Variants in RIPK1 observed in about 807,000 individuals in gnomAD.
The protein encoded by RIPK1 is receptor interacting serine/threonine kinase 1, also known as receptor-interacting serine/threonine-protein kinase 1.
In RIPK1, 27 loss-of-function variants were observed where a neutral mutation model predicts 62.4. The ratio of observed to expected loss-of-function variants is 0.43; its 90% confidence interval spans 0.32 to 0.60. The LOEUF (loss-of-function observed/expected upper bound fraction) is 0.60, where lower values mean the gene tolerates loss of function less well. Among genes scored for constraint, RIPK1 ranks in the 20% least tolerant of loss-of-function variants. The pLI is 0.07. For synonymous variants in RIPK1, 287 were observed against 303.2 expected, an observed-to-expected ratio of 0.95 and a Z score of 0.55; for missense variants, 735 against 831.0, an observed-to-expected ratio of 0.88 and a Z score of 1.42.
chr6:3,076,543 G>T (rs1759057128), intron 1 of RIPK1, among the ~76,000 whole-genome samples: 1 of 151,558 alleles, frequency 6.6e-6, no homozygotes, highest in African/African-American at 2.4e-5. Context: ...GCTGGTCACG[G>T]TGGGGTGCAC....
At chr6:3,075,054 C>T (rs1758979649) in intron 1 of RIPK1, among the ~76,000 whole-genome samples, 1 of 152,234 alleles carries the variant, frequency 6.6e-6, no homozygotes, top group South Asian at 2.1e-4. Flanking sequence ...CAGACACGCA[C>T]ATTCACATGC....
rs769823602 is a variant in RIPK1, at chr6:3,113,372, C to T, written c.*33C>T. ...TGGGCTACGGCAGCTGAAGTGGACG[C>T]CTCACTTAGTGGATAACCCCAGAAA... On this transcript the variant is annotated 3_prime_UTR_variant, in exon 11 of 11. Transcript: ENST00000259808. This position sits in a 1 kb window ranked among gnomAD's most constrained non-coding sequence, Gnocchi z 5.0. 2 of 1,591,090 alleles carry T rather than the reference C, an allele frequency of 1.3e-6. No individual in the cohort carries two copies. Among genetic ancestry groups the T allele is most frequent in the African/African-American group, 1.3e-5 (1 of 74,320 alleles).
chr6:3,098,508 T>G (rs1193752193), intron 7 of RIPK1, among the ~76,000 whole-genome samples: 4 of 152,240 alleles, frequency 2.6e-5, no homozygotes, highest in Non-Finnish European at 5.9e-5. Context: ...AATGTGTTTA[T>G]GGATGGAAAG....
chr6:3,110,118 T>G (rs979773305), intron 9 of RIPK1, among the ~76,000 whole-genome samples: 1 of 152,132 alleles, frequency 6.6e-6, no homozygotes, highest in Admixed American at 6.5e-5. Flanking sequence ...TTCAACACCC[T>G]GTTTTAGTTC....
chr6:3,110,204 ATTTTT>A (rs3082523), intron 9 of RIPK1, among the ~76,000 whole-genome samples: 328 of 98,446 alleles, frequency 3.3e-3, no homozygotes, highest in African/African-American at 0.011. Flanking sequence ...AAGAATCACG[ATTTTT>A]TTTTTTTTTT....
chr6:3,086,738 C>T (rs959595589), intron 6 of RIPK1, among the ~76,000 whole-genome samples: 9 of 152,160 alleles, frequency 5.9e-5, no homozygotes, highest in Admixed American at 1.3e-4. Flanking sequence ...CAAGCCTCAC[C>T]GTTTAAGGTG....
At chr6:3,083,678 G>A (rs1399538733) in intron 5 of RIPK1, among the ~76,000 whole-genome samples, 2 of 152,148 alleles carry the variant, frequency 1.3e-5, no homozygotes, top group East Asian at 1.9e-4. Flanking sequence ...TGAGTAAGTC[G>A]TGGCTTGTGT....
At chr6:3,080,618 A>ATATT (rs750222225) in intron 3 of RIPK1, among the ~76,000 whole-genome samples, 5 of 152,192 alleles carry the variant, frequency 3.3e-5, no homozygotes, top group Non-Finnish European at 5.9e-5. Context: ...GCTTGCTCGT[A>ATATT]TATTTATTCA....
intron 7 of RIPK1, among the ~76,000 whole-genome samples, chr6:3,098,793 G>C (rs1294831416): frequency 6.6e-6 from 1 of 152,252 alleles, no homozygotes; most frequent in Admixed American, 6.5e-5. Context: ...GTGCAAGGAA[G>C]GAGTGGGAAG....
At chr6:3,080,882 C>A in intron 3 of RIPK1, 97 bp from the exon 4 acceptor site, 1 of 1,183,810 alleles carries the variant, frequency 8.4e-7, no homozygotes, top group Non-Finnish European at 1.2e-6. Flanking sequence ...TGGTAACCTT[C>A]TCCTCAGGCT....
chr6:3,105,504 GCA>G lies in RIPK1; in HGVS notation c.1032_1033del (p.His344GlnfsTer27), dbSNP rs1760799856. 6.4e-7 allele frequency: 1 copy of G among 1,566,892 alleles called. No individual in the cohort carries two copies. Among genetic ancestry groups the G allele is most frequent in the Non-Finnish European group, 8.6e-7 (1 of 1,161,718 alleles). On this transcript the variant is annotated frameshift_variant, in exon 9 of 11. Transcript: ENST00000259808. LOFTEE classifies it high-confidence loss of function. The surrounding 1 kb of genome is among the most constrained non-coding windows in gnomAD (Gnocchi z 4.5). ...NSATEQPGSL[H>X]SSQGLGMGPV... ...CAGCCACAGAACAGCCTGGTTCACT[GCA>G]CAGTTCCCAGGGACTTGGGATGGGT...
rs751936916 is a variant in RIPK1 at position 3,076,983 on chromosome 6, A to G, written c.160A>G (p.Ile54Val). 7 of 1,150,158 alleles carry G rather than the reference A, an allele frequency of 6.1e-6. No individual in the cohort carries two copies. The highest frequency in any genetic ancestry group is 8.6e-6 in the Non-Finnish European group (7 of 815,654). 71.2% of individuals were successfully genotyped at this position (1,150,158 alleles called of 1,614,324 possible). A position where few individuals can be genotyped will look rare whatever the true frequency, so the allele number is the denominator to read the frequency against. Residue 54 changes from isoleucine (I) to valine (V), a missense_variant, in exon 2 of 11, where the codon ATT becomes GTT. Coordinates refer to ENST00000259808, the MANE Select transcript of RIPK1 (RefSeq NM_001354930.2). ...AACAGTGTACAAGGGGCCCAACTGCATTGAGTGAGTAGGGAGCAGGGGTGG... is the reference window on the plus strand; with the variant it reads ...AACAGTGTACAAGGGGCCCAACTGCGTTGAGTGAGTAGGGAGCAGGGGTGG... ...MKTVYKGPNC[I>V]EHNEALLEEA...
At chr6:3,068,205 C>T (rs1390364935), upstream of RIPK1, 1 of 985,090 alleles carries the variant, frequency 1.0e-6, no homozygotes, top group African/African-American at 1.7e-5. Context: ...GGAATGCTAA[C>T]TTGCCTATGC....
chr6:3,068,029 C>G (rs746629238), upstream of RIPK1: 28 of 222,764 alleles, frequency 1.3e-4, no homozygotes, highest in Non-Finnish European at 2.0e-4. Context: ...CAGGCGTGAA[C>G]AACCGCGCCC....
chr6:3,075,017 C>T (rs958650788), intron 1 of RIPK1, among the ~76,000 whole-genome samples: 2 of 152,232 alleles, frequency 1.3e-5, no homozygotes, highest in Non-Finnish European at 2.9e-5. Context: ...ACATCCATAG[C>T]CCTCCTTTTA....
chr6:3,077,172 T>C (rs980386940), intron 2 of RIPK1, among the ~76,000 whole-genome samples, 185 bp downstream of exon 2: 1 of 151,878 alleles, frequency 6.6e-6, no homozygotes, highest in African/African-American at 2.4e-5. Flanking sequence ...GACTGGGTAG[T>C]GAAGGACTCT....
At chr6:3,112,969 C>T in intron 10 of RIPK1, 84 bp from the exon 11 acceptor site, 1 of 1,185,058 alleles carries the variant, frequency 8.4e-7, no homozygotes, top group Admixed American at 2.6e-5. Context: ...CTCTTCATTT[C>T]ACTTGGGTTT....
At chr6:3,098,056 G>A (rs1760403845) in intron 7 of RIPK1, among the ~76,000 whole-genome samples, 1 of 152,168 alleles carries the variant, frequency 6.6e-6, no homozygotes, top group South Asian at 2.1e-4. Context: ...GAAATTAGCT[G>A]GGCGTGGTGG....
chr6:3,081,365 A>C (rs1326268695), intron 4 of RIPK1, among the ~76,000 whole-genome samples: 4 of 152,288 alleles, frequency 2.6e-5, no homozygotes, highest in East Asian at 1.9e-4. Flanking sequence ...GTAGATGAGA[A>C]GACCTCTTTC....
Sources: gnomAD v4.1 joint callset for allele counts (sites outside exome capture counted in the v4.1 genomes callset) on GRCh38, gnomAD v4.1.1 for gene constraint, Gnocchi (gnomAD v3.1) non-coding constraint, MANE v1.5 for transcripts, NCBI Gene and HGNC (gene_info 2026-07-23, HGNC 2026-07-21) for gene names.